COL14A1: variants seen among roughly 807,000 people sequenced by gnomAD.
COL14A1 encodes the protein collagen type XIV alpha 1 chain.
A neutral mutation model predicts 230.3 loss-of-function variants in COL14A1; 136 were observed. The ratio of observed to expected loss-of-function variants is 0.59; its 90% CI spans 0.51 to 0.68. The LOEUF is 0.68. COL14A1 is among the 30% of genes least tolerant of loss of function. The probability of loss-of-function intolerance (pLI) is 0.00; values close to 1 mark genes in which losing one functional copy is unlikely to be tolerated. For missense variants in COL14A1, 1,976 were observed against 2,215.8 expected (o/e 0.89, Z 2.17); for synonymous variants, 792 against 784.1 (o/e 1.01, Z -0.17).
chr8:120,173,745 T>G (rs1456085603), intron 5 of COL14A1, among the ~76,000 whole-genome samples: 2 of 152,072 alleles, frequency 1.3e-5, no homozygotes, highest in African/African-American at 4.8e-5. Context: ...AGGGTTTATT[T>G]TAGCCCTCCT....
At chr8:120,193,374 C>T (rs562960509) in intron 5 of COL14A1, among the ~76,000 whole-genome samples, 37 of 152,246 alleles carry the variant, frequency 2.4e-4, no homozygotes, top group South Asian at 6.2e-4. Context: ...TTTCGTGATC[C>T]GCGAATGCTG....
chr8:120,284,117 T>C (rs532516795), intron 32 of COL14A1, among the ~76,000 whole-genome samples: 2 of 152,302 alleles, frequency 1.3e-5, no homozygotes, highest in South Asian at 4.1e-4. Flanking sequence ...AGTTCATTTT[T>C]TGGACATAGA....
intron 5 of COL14A1, among the ~76,000 whole-genome samples, chr8:120,182,734 T>C (rs1442888926): frequency 2.0e-5 from 3 of 149,372 alleles, no homozygotes; most frequent in Admixed American, 1.3e-4. Context: ...TCGTTTTTTT[T>C]TTTTTTTTTT....
At chr8:120,240,653 C>T (rs1818582746) in intron 19 of COL14A1, among the ~76,000 whole-genome samples, 1 of 152,100 alleles carries the variant, frequency 6.6e-6, no homozygotes, top group South Asian at 2.1e-4. Context: ...AAATGATAAG[C>T]TTGTGTACTG....
intron 40 of COL14A1, 120 bp from the exon 41 acceptor site, chr8:120,332,021 T>C (rs1821885837): frequency 1.2e-6 from 1 of 812,722 alleles, no homozygotes; most frequent in Non-Finnish European, 2.1e-6. Context: ...CAGTGAATCC[T>C]TGGTAGTCCA....
Position 120,342,379 on chromosome 8 carries a change from G to A in COL14A1, c.4822-1G>A, listed in dbSNP as rs1252345770. The stretch of plus-strand genomic sequence containing the variant: ...AGGAGTATGCTTTTTTTCTCATCCA[G>A]GGTGACCTGCAGTCTCAAGCCATGG... On this transcript the variant is annotated splice_acceptor_variant, in intron 43 of 47. Coordinates refer to ENST00000297848, the MANE Select transcript of COL14A1 (RefSeq NM_021110.4). LOFTEE classifies it high-confidence loss of function. 1 of 1,613,736 alleles carries A rather than the reference G, an allele frequency of 6.2e-7. No homozygotes were observed. Among genetic ancestry groups the A allele is most frequent in the African/African-American group, 1.3e-5 (1 of 74,888 alleles).
At chr8:120,175,183 A>G (rs553257669) in intron 5 of COL14A1, among the ~76,000 whole-genome samples, 3 of 152,368 alleles carry the variant, frequency 2.0e-5, no homozygotes, top group Admixed American at 6.5e-5. Flanking sequence ...TCTACTGTAC[A>G]TGTTTCTTTA....
intron 41 of COL14A1, among the ~76,000 whole-genome samples, 172 bp from the exon 42 acceptor site, chr8:120,332,492 A>G (rs1020252012): frequency 6.6e-6 from 1 of 152,032 alleles, no homozygotes; most frequent in African/African-American, 2.4e-5. Flanking sequence ...TGAGGAGACT[A>G]AAAAAAAGTC....
chr8:120,335,104 G>A (rs552112822), intron 42 of COL14A1, among the ~76,000 whole-genome samples: 15 of 152,156 alleles, frequency 9.9e-5, no homozygotes, highest in Non-Finnish European at 2.1e-4. Flanking sequence ...GAAGAAGGAA[G>A]GAAAGAAATG....
At chr8:120,267,490 C>A (rs1819532835) in intron 25 of COL14A1, among the ~76,000 whole-genome samples, 1 of 151,812 alleles carries the variant, frequency 6.6e-6, no homozygotes, top group Non-Finnish European at 1.5e-5. Context: ...TAGATAAATA[C>A]CAGTCAAGTT....
intron 19 of COL14A1, among the ~76,000 whole-genome samples, chr8:120,233,385 A>T (rs1383780140): frequency 1.3e-5 from 2 of 152,000 alleles, no homozygotes; most frequent in Non-Finnish European, 2.9e-5. Context: ...TTCTTCCAGG[A>T]TTTTTATGGT....
chr8:120,184,228 T>TTG (rs1563657225), intron 5 of COL14A1, among the ~76,000 whole-genome samples: 23 of 55,466 alleles, frequency 4.1e-4, no homozygotes, highest in African/African-American at 1.3e-3. Flanking sequence ...GGAAGAGATT[T>TTG]ATTTATTTAT....
At chr8:120,361,370 T>C (rs1369682343) in intron 45 of COL14A1, among the ~76,000 whole-genome samples, 2 of 152,250 alleles carry the variant, frequency 1.3e-5, no homozygotes, top group Non-Finnish European at 2.9e-5. Flanking sequence ...TGTTTTCCAT[T>C]CCTGTCCATC....
At chr8:120,200,063 A>G (rs1027314312) in intron 8 of COL14A1, among the ~76,000 whole-genome samples, 1 of 151,556 alleles carries the variant, frequency 6.6e-6, no homozygotes, top group Non-Finnish European at 1.5e-5. Context: ...ATATATATAT[A>G]GATAGCATAC....
At chr8:120,194,020 GCC>G in intron 5 of COL14A1, among the ~76,000 whole-genome samples, 1 of 151,918 alleles carries the variant, frequency 6.6e-6, no homozygotes, top group Non-Finnish European at 1.5e-5. Context: ...GCAATGCCTC[GCC>G]CTGCTTCGGC....
intron 24 of COL14A1, among the ~76,000 whole-genome samples, chr8:120,263,243 T>A (rs1002556819): frequency 1.3e-5 from 2 of 152,178 alleles, no homozygotes; most frequent in African/African-American, 4.8e-5. Context: ...CACAAGAGAC[T>A]AGAAGGCCAC....
intron 3 of COL14A1, among the ~76,000 whole-genome samples, chr8:120,160,112 A>T (rs1346946933): frequency 6.6e-6 from 1 of 152,198 alleles, no homozygotes; most frequent in Non-Finnish European, 1.5e-5. Context: ...TATGGAAAAC[A>T]ATATTTGCAA....
chr8:120,289,643 G>C lies in COL14A1; in HGVS notation c.4113G>C (p.Val1371=). 6.2e-7 allele frequency: 1 copy of C among 1,613,980 alleles called. No homozygotes were observed. The highest frequency in any genetic ancestry group is 8.5e-7 in the Non-Finnish European group (1 of 1,179,948). Residue 1371 remains valine (V), a synonymous_variant, in exon 34 of 48, where the codon GTG becomes GTC. Transcript: ENST00000297848. ...TTGTCAGTGAGACTTTGGTCAAAGTGGTTATTGACTGCAAGCAAGTGGGTG... is the reference window on the plus strand; with the variant it reads ...TTGTCAGTGAGACTTTGGTCAAAGTCGTTATTGACTGCAAGCAAGTGGGTG... The part of the protein sequence containing the change: ...HIVVSETLVK[V]VIDCKQVGEK...
rs1563696551 is a variant in COL14A1 at position 120,250,726 on chromosome 8, C to T, written c.2712C>T (p.Ala904=). 1 of 1,614,240 alleles carries T rather than the reference C, an allele frequency of 6.2e-7. No homozygotes were observed. The highest frequency in any genetic ancestry group is 2.2e-5 in the East Asian group (1 of 44,882). The change falls in exon 22 of 48, where the codon GCC becomes GCT. Residue 904 remains alanine (A), a synonymous_variant. Coordinates refer to ENST00000297848, the MANE Select transcript of COL14A1 (RefSeq NM_021110.4). ...DYNVKIFASQ[A]SGFSDALTGM... ...ATGTGAAGATATTTGCCTCCCAGGC[C>T]TCAGGCTTCAGCGACGCCCTGACAG...
Sources: allele counts gnomAD v4.1 joint callset (sites outside exome capture counted in the v4.1 genomes callset), GRCh38; gene constraint gnomAD v4.1.1; transcripts MANE v1.5; gene names NCBI Gene and HGNC (gene_info 2026-07-23, HGNC 2026-07-21).